PHLDB2: variants seen among roughly 807,000 people sequenced by gnomAD.
PHLDB2 encodes pleckstrin homology like domain family B member 2, also known as pleckstrin homology-like domain family B member 2.
In PHLDB2, 71 loss-of-function variants were observed where a neutral mutation model predicts 123.6. The ratio of observed to expected loss-of-function variants is 0.57; its 90% confidence interval spans 0.47 to 0.70. The LOEUF is 0.70. Among genes scored for constraint, PHLDB2 ranks in the 30% least tolerant of loss-of-function variants. PHLDB2 has a pLI of 0.00. For synonymous variants in PHLDB2, 547 were observed against 541.6 expected (o/e 1.01, Z -0.14); for missense variants, 1,446 against 1,519.5 (o/e 0.95, Z 0.80).
intron 1 of PHLDB2, among the ~76,000 whole-genome samples, chr3:111,785,320 C>A (rs2060638639): frequency 6.6e-6 from 1 of 152,008 alleles, no homozygotes; most frequent in Non-Finnish European, 1.5e-5. Flanking sequence ...AGTCTGTTAA[C>A]CCCTACATGT....
Position 111,895,873 on chromosome 3 carries a change from C to CCATCTATCTATCT in PHLDB2, c.1335+10461_1335+10462insCATCTATCTATCT, listed in dbSNP as rs1553746643. Reference sequence around the variant, plus strand: ...AAAAAAAAAAATCTATCTATCTATCCATCTATCTATCTATCTATCTATCTA... The same window carrying CCATCTATCTATCT: ...AAAAAAAAAAATCTATCTATCTATCCCATCTATCTATCTATCTATCTATCTATCTATCTATCTA... On this transcript the variant is annotated intron_variant, in intron 2 of 17. Coordinates refer to ENST00000431670, the MANE Select transcript of PHLDB2 (RefSeq NM_001134438.2). Among the ~76,000 whole-genome samples the CCATCTATCTATCT allele has an allele frequency of 4.0e-3, 597 of 148,678 alleles. 4 individuals carry two copies. The highest frequency in any genetic ancestry group is 0.014 in the African/African-American group (554 of 40,274).
intron 1 of PHLDB2, among the ~76,000 whole-genome samples, chr3:111,786,773 A>G (rs1361311862): frequency 6.6e-6 from 1 of 152,230 alleles, no homozygotes; most frequent in Admixed American, 6.5e-5. Flanking sequence ...TATCATTACC[A>G]GATGATCTAA....
chr3:111,764,995 C>G (rs1285225018), intron 1 of PHLDB2, among the ~76,000 whole-genome samples: 1 of 152,216 alleles, frequency 6.6e-6, no homozygotes, highest in Non-Finnish European at 1.5e-5. Flanking sequence ...GAAAGACCAG[C>G]ACTGGTCATC....
At chr3:111,800,669 C>T (rs1398324226) in intron 1 of PHLDB2, among the ~76,000 whole-genome samples, 1 of 152,124 alleles carries the variant, frequency 6.6e-6, no homozygotes, top group African/African-American at 2.4e-5. Flanking sequence ...ACTCTTTAAT[C>T]CTGCTTGTTT....
intron 1 of PHLDB2, among the ~76,000 whole-genome samples, chr3:111,867,671 T>A (rs944782973): frequency 2.6e-5 from 4 of 152,168 alleles, no homozygotes; most frequent in Admixed American, 1.3e-4. Flanking sequence ...AGTCTGAAAT[T>A]CTCTGATTGT....
chr3:111,742,642 G>A (rs916620240), intron 1 of PHLDB2, among the ~76,000 whole-genome samples: 2 of 152,014 alleles, frequency 1.3e-5, no homozygotes, highest in African/African-American at 2.4e-5. Flanking sequence ...ATATGAACTC[G>A]TCCTTTTTTA....
At chr3:111,928,317 T>G (rs1270767269) in intron 5 of PHLDB2, among the ~76,000 whole-genome samples, 2 of 152,210 alleles carry the variant, frequency 1.3e-5, no homozygotes, top group Non-Finnish European at 2.9e-5. Context: ...GTTCTATATA[T>G]TCATTAGAAA....
At chr3:111,756,662 T>C (rs12487268) in intron 1 of PHLDB2, among the ~76,000 whole-genome samples, 75,783 of 151,578 alleles carry the variant, frequency 0.5, 19,511 homozygotes, top group African/African-American at 0.62. Flanking sequence ...AAAGTTAATA[T>C]TGTTATGTGT....
At chr3:111,926,660 CTAAG>C (rs1032836796) in intron 5 of PHLDB2, among the ~76,000 whole-genome samples, 7 of 151,596 alleles carry the variant, frequency 4.6e-5, no homozygotes, top group African/African-American at 1.5e-4. Flanking sequence ...GGAAAAAAAT[CTAAG>C]AAAGAAAGAA....
At chr3:111,776,582 C>T (rs1422880754) in intron 1 of PHLDB2, among the ~76,000 whole-genome samples, 2 of 152,116 alleles carry the variant, frequency 1.3e-5, no homozygotes, top group Non-Finnish European at 2.9e-5. Flanking sequence ...AAATCAACTA[C>T]ATCATATTCT....
chr3:111,913,728 A>G, intron 3 of PHLDB2, 26 bp downstream of exon 3: 2 of 1,579,140 alleles, frequency 1.3e-6, no homozygotes, highest in South Asian at 2.3e-5. Context: ...CAAAGATACT[A>G]GGATTTAAGG....
At chr3:111,969,619 T>C (rs2107687587) in intron 15 of PHLDB2, 71 bp from the exon 16 acceptor site, 3 of 1,265,190 alleles carry the variant, frequency 2.4e-6, no homozygotes, top group Non-Finnish European at 2.3e-6. Context: ...TAATTTCTGC[T>C]TCTAAACATC....
chr3:111,919,924 C>T (rs867702626), intron 4 of PHLDB2, among the ~76,000 whole-genome samples: 5 of 105,052 alleles, frequency 4.8e-5, no homozygotes, highest in Middle Eastern at 9.0e-3. Flanking sequence ...GTAACTTTCT[C>T]TTCCCATGCT....
rs567338251 is a variant in PHLDB2, at chr3:111,859,791, G to T, written c.-15+215G>T. On this transcript the variant is annotated intron_variant, in intron 1 of 17. Transcript: ENST00000431670. ...AGTCAGGAGGGGCCGGCGGGCTCAC[G>T]GAGGGAGACAGGGTGGGCGGGGGCA... The T allele has an allele frequency of 6.1e-6, 6 of 985,576 alleles. No individual in the cohort carries two copies. The East Asian group carries it at 5.7e-4, about 93-fold the overall frequency. The allele number at this position is 985,576 out of a possible 1,614,324, so 61.1% of individuals were successfully genotyped here.
At chr3:111,871,834 A>G (rs577454120) in intron 1 of PHLDB2, among the ~76,000 whole-genome samples, 1 of 152,320 alleles carries the variant, frequency 6.6e-6, no homozygotes, top group East Asian at 1.9e-4. Flanking sequence ...TTTTATTTCA[A>G]AACAGTTACC....
chr3:111,948,055 C>T (rs1010701952), intron 9 of PHLDB2, among the ~76,000 whole-genome samples: 4 of 152,170 alleles, frequency 2.6e-5, no homozygotes. Context: ...TGACAAGTGC[C>T]TTTTCCACAG....
At chr3:111,958,724 C>G in intron 12 of PHLDB2, 1 of 455,854 alleles carries the variant, frequency 2.2e-6, no homozygotes, top group Non-Finnish European at 4.4e-6. Context: ...TTTCAAGGCC[C>G]TTTTTACTGT....
At chr3:111,812,564 C>A (rs1285440276) in intron 1 of PHLDB2, among the ~76,000 whole-genome samples, 2 of 152,144 alleles carry the variant, frequency 1.3e-5, no homozygotes, top group African/African-American at 4.8e-5. Flanking sequence ...CAGCTGGCTT[C>A]TTCTACACTA....
chr3:111,739,445 AC>A (rs2107918052), intron 1 of PHLDB2, among the ~76,000 whole-genome samples: 1 of 152,246 alleles, frequency 6.6e-6, no homozygotes, highest in African/African-American at 2.4e-5. Flanking sequence ...AGGTGACGTG[AC>A]TTGCCCAAGG....
Sources: allele counts gnomAD v4.1 joint callset (sites outside exome capture counted in the v4.1 genomes callset), GRCh38; gene constraint gnomAD v4.1.1; transcripts MANE v1.5; gene names NCBI Gene and HGNC (gene_info 2026-07-23, HGNC 2026-07-21).